The following ANKRD31 variants were observed in gnomAD, a reference collection of about 807,000 sequenced individuals.
The protein encoded by ANKRD31 is ankyrin repeat domain-containing protein 31.
ANKRD31 carries 147 observed loss-of-function variants against 186.0 expected under a neutral mutation model. That is an observed-to-expected ratio of 0.79 (90% CI 0.69 to 0.91). The LOEUF is 0.91. ANKRD31 is among the 40% of genes least tolerant of loss of function. ANKRD31 has a pLI of 0.00. For synonymous variants in ANKRD31, 673 were observed against 736.4 expected, an observed-to-expected ratio of 0.91 and a Z score of 1.39; for missense variants, 1,986 against 2,148.8, an observed-to-expected ratio of 0.92 and a Z score of 1.50.
chr5:75,167,360 T>G (rs1363577), intron 11 of ANKRD31, among the ~76,000 whole-genome samples: 77,309 of 152,142 alleles, frequency 0.51, 22,703 homozygotes, highest in African/African-American at 0.82. Context: ...TTCCCTGTTT[T>G]ACATCTTTAC....
intron 17 of ANKRD31, among the ~76,000 whole-genome samples, chr5:75,122,950 G>A (rs1408589535): frequency 2.0e-5 from 3 of 151,934 alleles, no homozygotes; most frequent in Admixed American, 1.3e-4. Context: ...TCAGGCAAAA[G>A]AAAGAAAGAA....
chr5:75,196,046 A>G lies in ANKRD31; in HGVS notation c.602T>C (p.Val201Ala), dbSNP rs1347059748. 7 of 1,536,218 alleles carry G rather than the reference A, an allele frequency of 4.6e-6. No homozygotes were observed. In the Admixed American group the frequency reaches 1.4e-4, roughly 30 times the overall value. ...TTCTTCAGAAGTCATGGTCATTGTG[A>G]CTTCCTTTCTAGGCTCAAAAAATGT... ...PNTFFEPRKE[V>A]TMTMTSEETK... Residue 201 changes from valine (V) to alanine (A), a missense_variant, in exon 7 of 26, where the codon GTC becomes GCC. Coordinates refer to ENST00000506364, the MANE Select transcript of ANKRD31 (RefSeq NM_001372053.1).
chr5:75,070,713 A>G (rs1008265824), intron 25 of ANKRD31, among the ~76,000 whole-genome samples: 11 of 152,226 alleles, frequency 7.2e-5, no homozygotes, highest in Non-Finnish European at 1.0e-4. Flanking sequence ...TTTCACGGGC[A>G]TCTTCCTGAT....
intron 16 of ANKRD31, 70 bp from the exon 17 acceptor site, chr5:75,138,068 C>CA: frequency 7.6e-7 from 1 of 1,309,536 alleles, no homozygotes; most frequent in Non-Finnish European, 9.8e-7. Context: ...ATCTGTATTA[C>CA]TAAGGTTTTG....
intron 20 of ANKRD31, among the ~76,000 whole-genome samples, chr5:75,111,175 G>C (rs1278109037): frequency 3.4e-5 from 5 of 149,208 alleles, no homozygotes; most frequent in Admixed American, 2.7e-4. Context: ...TTTTATTGAG[G>C]TCCAATTGCA....
intron 9 of ANKRD31, among the ~76,000 whole-genome samples, chr5:75,191,575 A>C (rs1755116958): frequency 6.6e-6 from 1 of 152,122 alleles, no homozygotes; most frequent in African/African-American, 2.4e-5. Context: ...AAAATAAAAC[A>C]AAAAATTAGC....
chr5:75,076,857 T>A (rs1401544277), intron 25 of ANKRD31, among the ~76,000 whole-genome samples: 3 of 152,186 alleles, frequency 2.0e-5, no homozygotes, highest in Non-Finnish European at 2.9e-5. Context: ...AGACCACATA[T>A]CTTTCTATCA....
At chr5:75,086,497 T>C (rs116306494) in intron 23 of ANKRD31, among the ~76,000 whole-genome samples, 454 of 152,358 alleles carry the variant, frequency 3.0e-3, no homozygotes, top group African/African-American at 0.011. Flanking sequence ...ATCTAGCTCA[T>C]ATGCCTACTC....
At chr5:75,072,728 G>C (rs1464775334) in intron 25 of ANKRD31, among the ~76,000 whole-genome samples, 1 of 152,086 alleles carries the variant, frequency 6.6e-6, no homozygotes, top group Non-Finnish European at 1.5e-5. Flanking sequence ...GAGAGATCAC[G>C]AATATTTAAG....
At chr5:75,157,790 T>C (rs762035268) in intron 11 of ANKRD31, among the ~76,000 whole-genome samples, 6 of 152,200 alleles carry the variant, frequency 3.9e-5, no homozygotes, top group Non-Finnish European at 7.3e-5. Flanking sequence ...GAAAATGCTC[T>C]GTCTGCAGAA....
rs923427311 is a variant in ANKRD31 at position 75,147,610 on chromosome 5, T to C, written c.1906-105A>G. ...AACTATTATTTGATTCAAACTATTA[T>C]TTTCTAATTCAATCTAACCACAGAT... On this transcript the variant is annotated intron_variant, in intron 13 of 25. Coordinates refer to ENST00000506364, the MANE Select transcript of ANKRD31 (RefSeq NM_001372053.1). 96 of 884,904 alleles carry C rather than the reference T, an allele frequency of 1.1e-4. No individual in the cohort carries two copies. The African/African-American group carries it at 1.5e-3, about 13-fold the overall frequency. The allele number at this position is 884,904 out of a possible 1,614,324, so 54.8% of individuals were successfully genotyped here.
chr5:75,214,400 A>G (rs1206295688), intron 3 of ANKRD31, among the ~76,000 whole-genome samples: 1 of 152,238 alleles, frequency 6.6e-6, no homozygotes, highest in African/African-American at 2.4e-5. Flanking sequence ...AAAGTATACC[A>G]TTGGCAGTAG....
chr5:75,091,783 A>C (rs1268987531), intron 22 of ANKRD31, among the ~76,000 whole-genome samples: 1 of 152,098 alleles, frequency 6.6e-6, no homozygotes, highest in Non-Finnish European at 1.5e-5. Context: ...TCCTGCCCCC[A>C]GCTACTGTTG....
chr5:75,206,251 ATATATATATATATATATATATATAT>A, intron 5 of ANKRD31, among the ~76,000 whole-genome samples, 135 bp downstream of exon 5: 1 of 1,850 alleles, frequency 5.4e-4, no homozygotes, highest in East Asian at 0.014. Context: ...AAAAAAAAAT[ATATATATATATATATATATATATAT>A]ATATATATAT....
At chr5:75,112,014 G>C (rs1436462064) in intron 20 of ANKRD31, among the ~76,000 whole-genome samples, 1 of 152,084 alleles carries the variant, frequency 6.6e-6, no homozygotes, top group Non-Finnish European at 1.5e-5. Flanking sequence ...TACATTTTCT[G>C]TCATAGGATT....
chr5:75,078,822 C>T (rs1744860840), intron 25 of ANKRD31, among the ~76,000 whole-genome samples: 1 of 152,030 alleles, frequency 6.6e-6, no homozygotes, highest in South Asian at 2.1e-4. Flanking sequence ...AGTGAGGATT[C>T]CCTCAATAAC....
intron 3 of ANKRD31, among the ~76,000 whole-genome samples, chr5:75,216,071 T>A (rs1043009876): frequency 1.3e-5 from 2 of 152,178 alleles, no homozygotes; most frequent in African/African-American, 4.8e-5. Context: ...GAGGTATCTA[T>A]TTTTCCAATG....
chr5:75,180,036 C>A (rs1754163520), intron 10 of ANKRD31, among the ~76,000 whole-genome samples: 1 of 152,194 alleles, frequency 6.6e-6, no homozygotes, highest in Non-Finnish European at 1.5e-5. Flanking sequence ...TCAGCAAAGT[C>A]TCAGGATACA....
intron 15 of ANKRD31, among the ~76,000 whole-genome samples, chr5:75,143,386 G>T (rs1243097798): frequency 2.0e-5 from 3 of 152,010 alleles, no homozygotes; most frequent in African/African-American, 7.2e-5. Context: ...CACTATAGGA[G>T]GTATGTATAA....
Sources: gnomAD v4.1 joint callset for allele counts (sites outside exome capture counted in the v4.1 genomes callset) on GRCh38, gnomAD v4.1.1 for gene constraint, MANE v1.5 for transcripts, NCBI Gene and HGNC (gene_info 2026-07-23, HGNC 2026-07-21) for gene names.